TLK2: variants seen among roughly 807,000 people sequenced by gnomAD.
The protein encoded by TLK2 is serine/threonine-protein kinase tousled-like 2.
In TLK2, 6 loss-of-function variants were observed where a neutral mutation model predicts 117.3. The observed-to-expected ratio is 0.05, with a 90% CI of 0.03 to 0.10. TLK2 has a LOEUF of 0.10. Among genes scored for constraint, TLK2 ranks in the 10% least tolerant of loss-of-function variants. The pLI, the probability that TLK2 is intolerant of heterozygous loss-of-function variation, is 1.00. For synonymous variants in TLK2, 257 were observed against 316.7 expected, an observed-to-expected ratio of 0.81 and a Z score of 2.00; for missense variants, 299 against 901.2, an observed-to-expected ratio of 0.33 and a Z score of 8.56.
At chr17:62,561,833 T>G (rs2079303482) in intron 10 of TLK2, among the ~76,000 whole-genome samples, 1 of 152,254 alleles carries the variant, frequency 6.6e-6, no homozygotes, top group African/African-American at 2.4e-5. Context: ...GAATACTTCC[T>G]GAAATCAGCA....
chr17:62,483,881 A>G (rs567718782), intron 2 of TLK2, among the ~76,000 whole-genome samples: 1 of 152,022 alleles, frequency 6.6e-6, no homozygotes, highest in African/African-American at 2.4e-5. Flanking sequence ...GCTGGAGTGC[A>G]GTAGCACAAT....
intron 6 of TLK2, among the ~76,000 whole-genome samples, chr17:62,530,070 C>A (rs374864235): frequency 6.6e-6 from 1 of 151,958 alleles, no homozygotes; most frequent in Admixed American, 6.6e-5. Flanking sequence ...GTCAGGAGTT[C>A]GAGACCAGCC....
chr17:62,588,024 AATAT>A (rs1209821238), intron 16 of TLK2, among the ~76,000 whole-genome samples: 1 of 138,796 alleles, frequency 7.2e-6, no homozygotes, highest in East Asian at 2.2e-4. Flanking sequence ...ATATGTATAA[AATAT>A]ACGTATACAT....
intron 13 of TLK2, among the ~76,000 whole-genome samples, chr17:62,577,874 C>T (rs900420735): frequency 2.9e-4 from 44 of 150,020 alleles, no homozygotes; most frequent in East Asian, 9.7e-4. Flanking sequence ...GGTGAAACCC[C>T]GACTCTACTA....
intron 2 of TLK2, among the ~76,000 whole-genome samples, chr17:62,494,605 C>T (rs1377764662): frequency 2.0e-5 from 3 of 151,466 alleles, no homozygotes; most frequent in East Asian, 2.0e-4. Flanking sequence ...AGGCTAGTCT[C>T]GAACTCCTGA....
At chr17:62,580,235 T>C (rs1437481927) in intron 15 of TLK2, 43 bp downstream of exon 15, 3 of 1,460,274 alleles carry the variant, frequency 2.1e-6, no homozygotes, top group East Asian at 4.6e-5. Flanking sequence ...GGTTAAATTA[T>C]CGGCTCCTAC....
chr17:62,489,060 G>T (rs776662446), intron 2 of TLK2, among the ~76,000 whole-genome samples: 1 of 151,714 alleles, frequency 6.6e-6, no homozygotes, highest in African/African-American at 2.4e-5. Context: ...GCAAATTTTT[G>T]TATTTTTTGT....
intron 7 of TLK2, among the ~76,000 whole-genome samples, chr17:62,547,026 A>ATG (rs2078000695): frequency 6.6e-6 from 1 of 152,128 alleles, no homozygotes; most frequent in African/African-American, 2.4e-5. Context: ...TAGCTACAGT[A>ATG]TACTTTTGAT....
intron 12 of TLK2, among the ~76,000 whole-genome samples, chr17:62,573,636 A>G (rs1413176302): frequency 6.6e-6 from 1 of 152,226 alleles, no homozygotes; most frequent in Non-Finnish European, 1.5e-5. Flanking sequence ...TGGTTAACAA[A>G]TAAGATGTCA....
At chr17:62,492,989 T>G (rs187658646) in intron 2 of TLK2, among the ~76,000 whole-genome samples, 39 of 152,106 alleles carry the variant, frequency 2.6e-4, no homozygotes, top group African/African-American at 8.7e-4. Context: ...TTACAGCTAC[T>G]TAGGAGGCTG....
At chr17:62,549,356 GCCACTACACT>G (rs1288833254) in intron 7 of TLK2, among the ~76,000 whole-genome samples, 2 of 111,504 alleles carry the variant, frequency 1.8e-5, no homozygotes, top group East Asian at 6.3e-4. Flanking sequence ...ACGAGATCGT[GCCACTACACT>G]CCAGCCTAAG....
chr17:62,477,936 G>A (rs1214314869), upstream of TLK2: 3 of 152,196 alleles, frequency 2.0e-5, no homozygotes, highest in African/African-American at 4.8e-5. Context: ...TTCATCGGAG[G>A]TTGAAATGGA....
intron 16 of TLK2, among the ~76,000 whole-genome samples, chr17:62,588,597 G>C (rs2035614567): frequency 6.6e-6 from 1 of 152,206 alleles, no homozygotes; most frequent in Non-Finnish European, 1.5e-5. Context: ...ACCTTGGGGA[G>C]AGGGTGTGTG....
intron 5 of TLK2, 52 bp downstream of exon 5, chr17:62,523,229 C>G (rs562546330): frequency 1.3e-6 from 2 of 1,572,934 alleles, no homozygotes; most frequent in Admixed American, 4.1e-5. Context: ...CAAAAAAACT[C>G]TATAGTGATT....
At chr17:62,589,824 T>G (rs967374741) in intron 16 of TLK2, among the ~76,000 whole-genome samples, 13 of 152,084 alleles carry the variant, frequency 8.5e-5, no homozygotes, top group Non-Finnish European at 1.9e-4. Context: ...TTTGTTTTTT[T>G]GAGACAGAGT....
At chr17:62,471,654 G>C (rs1406727132) in intron 1 of TLK2, among the ~76,000 whole-genome samples, 9 of 152,110 alleles carry the variant, frequency 5.9e-5, no homozygotes, top group Admixed American at 3.9e-4. Context: ...GTATCAGAAA[G>C]AGTTCTAAGC....
At chr17:62,570,210 G>T (rs937702282) in intron 11 of TLK2, among the ~76,000 whole-genome samples, 2 of 152,094 alleles carry the variant, frequency 1.3e-5, no homozygotes, top group Non-Finnish European at 2.9e-5. Context: ...CACATCTTTT[G>T]GGGGACACAA....
At chr17:62,493,684 G>A (rs192062667) in intron 2 of TLK2, among the ~76,000 whole-genome samples, 132 of 152,254 alleles carry the variant, frequency 8.7e-4, no homozygotes, top group Admixed American at 2.8e-3. Flanking sequence ...CAGTCAAATT[G>A]CAACTATTAC....
intron 6 of TLK2, among the ~76,000 whole-genome samples, chr17:62,535,158 G>A (rs1012706397): frequency 2.0e-5 from 3 of 152,068 alleles, no homozygotes; most frequent in Non-Finnish European, 4.4e-5. Flanking sequence ...AAAGTACTGG[G>A]ATTACAGGCA....
Sources: allele counts gnomAD v4.1 joint callset (sites outside exome capture counted in the v4.1 genomes callset), GRCh38; gene constraint gnomAD v4.1.1; transcripts MANE v1.5; gene names NCBI Gene and HGNC (gene_info 2026-07-23, HGNC 2026-07-21).